RBPJ: variants seen among roughly 807,000 people sequenced by gnomAD.
RBPJ encodes recombining binding protein suppressor of hairless.
A neutral mutation model predicts 67.8 loss-of-function variants in RBPJ; 9 were observed. The observed-to-expected ratio is 0.13, with a 90% CI of 0.08 to 0.23. RBPJ has a LOEUF of 0.23. RBPJ is among the 10% of genes least tolerant of loss of function. RBPJ has a pLI of 1.00. For synonymous variants in RBPJ, 198 were observed against 203.3 expected (o/e 0.97, Z 0.22); for missense variants, 305 against 595.6 (o/e 0.51, Z 5.08).
At chr4:26,401,750 C>T (rs994482448) in intron 2 of RBPJ, among the ~76,000 whole-genome samples, 5 of 152,158 alleles carry the variant, frequency 3.3e-5, no homozygotes, top group African/African-American at 4.8e-5. Flanking sequence ...AATTTAGTAT[C>T]CGGAAATACA....
At chr4:26,323,495 A>C (rs533777936) in intron 1 of RBPJ, among the ~76,000 whole-genome samples, 1 of 152,232 alleles carries the variant, frequency 6.6e-6, no homozygotes, top group Non-Finnish European at 1.5e-5. Flanking sequence ...CGAAATCTGG[A>C]TGCGTTGTGG....
chr4:26,416,394 CTTTTTTGTAT>C (rs1553880226), intron 4 of RBPJ, among the ~76,000 whole-genome samples: 1 of 151,978 alleles, frequency 6.6e-6, no homozygotes, highest in Non-Finnish European at 1.5e-5. Flanking sequence ...GTCCAGCTAA[CTTTTTTGTAT>C]TTTTTTGTAG....
chr4:26,191,208 T>TAGAGAGAGAG (rs1193671956), intron 1 of RBPJ, among the ~76,000 whole-genome samples: 5 of 27,250 alleles, frequency 1.8e-4, no homozygotes, highest in African/African-American at 2.6e-4. Flanking sequence ...TATATATATA[T>TAGAGAGAGAG]ATAGAGAGAG....
chr4:26,217,892 G>A (rs899958548), intron 1 of RBPJ, among the ~76,000 whole-genome samples: 43 of 152,142 alleles, frequency 2.8e-4, no homozygotes, highest in African/African-American at 1.0e-3. Flanking sequence ...ACAGGGCTTC[G>A]CAAGTGCCAG....
chr4:26,122,434 C>T, the RBPJ span, among the ~76,000 whole-genome samples: 3 of 152,112 alleles, frequency 2.0e-5, no homozygotes, highest in East Asian at 1.9e-4. Context: ...GGCCAGAGAG[C>T]GACAATTAGA....
chr4:26,114,683 A>T, the RBPJ span, among the ~76,000 whole-genome samples: 9 of 151,990 alleles, frequency 5.9e-5, no homozygotes, highest in African/African-American at 2.2e-4. Context: ...TACCACTGGT[A>T]TCTTTATACG....
intron 7 of RBPJ, 28 bp from the exon 8 acceptor site, chr4:26,428,692 C>T (rs774292593): frequency 1.3e-6 from 2 of 1,580,766 alleles, no homozygotes; most frequent in Non-Finnish European, 1.7e-6. Context: ...GTGTGGATGA[C>T]CTTTTATTTC....
chr4:26,378,030 C>G (rs1439273988), intron 1 of RBPJ, among the ~76,000 whole-genome samples: 2 of 152,138 alleles, frequency 1.3e-5, no homozygotes, highest in South Asian at 2.1e-4. Flanking sequence ...CCTCATTTCT[C>G]TTTCGAAGTT....
intron 1 of RBPJ, among the ~76,000 whole-genome samples, chr4:26,219,916 C>T (rs1015066873): frequency 1.3e-5 from 2 of 151,362 alleles, no homozygotes; most frequent in Non-Finnish European, 2.9e-5. Context: ...GCTGGGACCA[C>T]AGGCACCCAC....
chr4:26,115,089 G>T, the RBPJ span, among the ~76,000 whole-genome samples: 1 of 152,180 alleles, frequency 6.6e-6, no homozygotes, highest in Non-Finnish European at 1.5e-5. Context: ...TTGGTAGCTT[G>T]TGGCAGTATT....
intron 1 of RBPJ, among the ~76,000 whole-genome samples, chr4:26,295,796 A>C (rs1245910065): frequency 1.3e-5 from 2 of 152,116 alleles, no homozygotes; most frequent in African/African-American, 4.8e-5. Flanking sequence ...CATATGATTC[A>C]AGGATGTTTA....
chr4:26,150,249 C>T, the RBPJ span, among the ~76,000 whole-genome samples: 1 of 152,132 alleles, frequency 6.6e-6, no homozygotes, highest in Non-Finnish European at 1.5e-5. Context: ...ACCAGTAATG[C>T]TTTGACCTGA....
At chr4:26,271,985 T>C (rs1366302781) in intron 1 of RBPJ, among the ~76,000 whole-genome samples, 1 of 152,236 alleles carries the variant, frequency 6.6e-6, no homozygotes, top group African/African-American at 2.4e-5. Flanking sequence ...CAGATTTCTG[T>C]AGGGCCAGTG....
At chr4:26,316,352 CAT>C (rs1223226857), upstream of RBPJ, among the ~76,000 whole-genome samples, 1 of 144,138 alleles carries the variant, frequency 6.9e-6, no homozygotes. Context: ...TATACATATT[CAT>C]ATATACATTC....
chr4:26,406,044 G>A lies in RBPJ; in HGVS notation c.60-131G>A, dbSNP rs961518799. The A allele has an allele frequency of 8.9e-6, 5 of 561,168 alleles. No homozygotes were observed. In the African/African-American group the frequency reaches 9.4e-5, roughly 11 times the overall value. The allele number at this position is 561,168 out of a possible 1,614,324, so 34.8% of individuals were successfully genotyped here. A position where few individuals can be genotyped will look rare whatever the true frequency, so the allele number is the denominator to read the frequency against. On this transcript the variant is annotated intron_variant, in intron 2 of 10. Coordinates refer to ENST00000355476, the MANE Select transcript of RBPJ (RefSeq NM_015874.6). ...ATTTATGGATTTACTTTGCTTTATT[G>A]TTTTTGTTTTTAAGATTTGCTTATT...
At chr4:26,404,729 T>G (rs192840317) in intron 2 of RBPJ, among the ~76,000 whole-genome samples, 1 of 152,340 alleles carries the variant, frequency 6.6e-6, no homozygotes, top group East Asian at 1.9e-4. Context: ...GCTCTTGTTT[T>G]ACTGTTGTGG....
intron 1 of RBPJ, among the ~76,000 whole-genome samples, chr4:26,164,570 T>C (rs1474059727): frequency 6.6e-6 from 1 of 152,234 alleles, no homozygotes; most frequent in Non-Finnish European, 1.5e-5. Context: ...GTCTACAACA[T>C]GGCTGGTAGA....
intron 1 of RBPJ, among the ~76,000 whole-genome samples, chr4:26,257,080 G>A (rs901300026): frequency 1.9e-4 from 29 of 152,268 alleles, no homozygotes; most frequent in Non-Finnish European, 1.5e-4. Flanking sequence ...TCATTGTTAC[G>A]TTGTTGTTGT....
upstream of RBPJ, among the ~76,000 whole-genome samples, chr4:26,315,122 G>T (rs1722558156): frequency 8.6e-6 from 1 of 115,622 alleles, no homozygotes; most frequent in South Asian, 2.7e-4. Flanking sequence ...ACCAGCCTGG[G>T]TGACAGAGCT....
Sources: gnomAD v4.1 joint callset for allele counts (sites outside exome capture counted in the v4.1 genomes callset) on GRCh38, gnomAD v4.1.1 for gene constraint, MANE v1.5 for transcripts, NCBI Gene and HGNC (gene_info 2026-07-23, HGNC 2026-07-21) for gene names.